Variants in AHCY observed in about 807,000 individuals in gnomAD.
AHCY encodes adenosylhomocysteinase, also known as S-adenosyl-L-homocysteine hydrolase.
A neutral mutation model predicts 45.4 loss-of-function variants in AHCY; 24 were observed. The observed-to-expected ratio is 0.53, with a 90% CI of 0.38 to 0.74. AHCY has a LOEUF of 0.74. Among genes scored for constraint, AHCY ranks in the 30% least tolerant of loss-of-function variants. AHCY has a pLI of 0.00. For synonymous variants in AHCY, 245 were observed against 235.1 expected, an observed-to-expected ratio of 1.04 and a Z score of -0.39; for missense variants, 449 against 594.1, an observed-to-expected ratio of 0.76 and a Z score of 2.54.
chr20:34,285,881 A>G, intron 8 of AHCY: 1 of 496,722 alleles, frequency 2.0e-6, no homozygotes, highest in Non-Finnish European at 3.7e-6. Context: ...CAGGCGGATC[A>G]TGAGGTCAGG....
chr20:34,267,843 TAA>T, the AHCY span, among the ~76,000 whole-genome samples: 6 of 147,712 alleles, frequency 4.1e-5, no homozygotes, highest in African/African-American at 1.5e-4. Flanking sequence ...TAACCATATT[TAA>T]AAAAAAAAAA....
In AHCY at chr20:34,295,469, G is replaced by C; in HGVS notation, c.145C>G (p.Arg49Gly). 6.2e-7 allele frequency: 1 copy of C among 1,614,120 alleles called. No homozygotes were observed. Among genetic ancestry groups the C allele is most frequent in the South Asian group, 1.1e-5 (1 of 91,074 alleles). The change falls in exon 2 of 10, where the codon CGC (arginine) becomes GGC (glycine). Residue 49 changes from arginine (R) to glycine (G), a missense_variant. Coordinates refer to ENST00000217426, the MANE Select transcript of AHCY (RefSeq NM_000687.4). ...YSASKPLKGA[R>G]IAGCLHMTVE... ...GTCATGTGCAGGCAGCCAGCGATGCGGGCGCCCTTCAGTGGCTTGGAGGCC... is the reference window on the plus strand; with the variant it reads ...GTCATGTGCAGGCAGCCAGCGATGCCGGCGCCCTTCAGTGGCTTGGAGGCC...
the AHCY span, among the ~76,000 whole-genome samples, chr20:34,243,881 G>A: frequency 6.6e-6 from 1 of 151,884 alleles, no homozygotes; most frequent in African/African-American, 2.4e-5. Flanking sequence ...TGGCTAACAC[G>A]ATGAAACCCC....
chr20:34,236,267 C>CA, the AHCY span, among the ~76,000 whole-genome samples: 1 of 152,190 alleles, frequency 6.6e-6, no homozygotes, highest in East Asian at 1.9e-4. Context: ...TGGCTGGGCG[C>CA]AGTGGCTCAC....
At chr20:34,255,376 C>T in the AHCY span, among the ~76,000 whole-genome samples, 1 of 152,084 alleles carries the variant, frequency 6.6e-6, no homozygotes, top group Admixed American at 6.5e-5. Flanking sequence ...ACTGGAGCCT[C>T]AACCTCCCAG....
At chr20:34,310,902 G>A (rs762936327) in intron 1 of AHCY, among the ~76,000 whole-genome samples, 20 of 151,812 alleles carry the variant, frequency 1.3e-4, no homozygotes, top group Non-Finnish European at 2.4e-4. Context: ...GATTCGGGCG[G>A]GTCACCTGAG....
In AHCY at chr20:34,285,009, C is replaced by G. The variant is rs566097533; in HGVS notation, c.1167+431G>C. On this transcript the variant is annotated intron_variant, in intron 9 of 9. Transcript: ENST00000217426. ...TCCAGTCCTTGTTCAGCTGGCATCA[C>G]TCATTTACCTGCCTAGCCCCTGTGG... Among the ~76,000 whole-genome samples, 5 of 152,338 alleles carry G rather than the reference C, an allele frequency of 3.3e-5. No individual in the cohort carries two copies. The East Asian group carries it at 9.6e-4, about 29-fold the overall frequency.
At chr20:34,286,002 G>A (rs2036171594) in intron 8 of AHCY, 1 of 313,288 alleles carries the variant, frequency 3.2e-6, no homozygotes, top group African/African-American at 2.2e-5. Context: ...CCACTCGGGA[G>A]GCTGAGGCAG....
chr20:34,269,920 G>A, the AHCY span, among the ~76,000 whole-genome samples: 129 of 131,280 alleles, frequency 9.8e-4, 1 homozygote, highest in African/African-American at 4.0e-3. Flanking sequence ...CTCCAGCCTG[G>A]GCAACAAGAG....
At chr20:34,271,983 G>A in the AHCY span, among the ~76,000 whole-genome samples, 3 of 151,930 alleles carry the variant, frequency 2.0e-5, no homozygotes, top group African/African-American at 4.8e-5. Flanking sequence ...AGAAAAAAAG[G>A]TAGAGGGTTA....
the AHCY span, among the ~76,000 whole-genome samples, chr20:34,247,298 T>A: frequency 8.0e-5 from 12 of 150,788 alleles, no homozygotes; most frequent in African/African-American, 2.7e-4. Context: ...CATTATATGA[T>A]GCTTTTTTTT....
chr20:34,246,634 T>C, the AHCY span: 1 of 594,192 alleles, frequency 1.7e-6, no homozygotes, highest in African/African-American at 1.8e-5. Flanking sequence ...TTTTTTGTAT[T>C]TTTGGTAGAG....
chr20:34,277,786 A>G (rs951734783), downstream of AHCY, among the ~76,000 whole-genome samples: 65 of 150,126 alleles, frequency 4.3e-4, no homozygotes, highest in Middle Eastern at 3.5e-3. Flanking sequence ...AAAACTCAGC[A>G]TAAAAACTCC....
chr20:34,237,591 T>G, the AHCY span, among the ~76,000 whole-genome samples: 1 of 152,248 alleles, frequency 6.6e-6, no homozygotes, highest in Non-Finnish European at 1.5e-5. Context: ...TCATATTATC[T>G]GTGAACAGAG....
rs2036381124 is a variant in AHCY at position 34,291,284 on chromosome 20, T to TTTGA, written c.558+134_558+135insTCAA. 3 of 842,264 alleles carry TTTGA rather than the reference T, an allele frequency of 3.6e-6. No individual in the cohort carries two copies. In the Admixed American group the frequency reaches 5.4e-5, roughly 15 times the overall value. 52.2% of individuals were successfully genotyped at this position (842,264 alleles called of 1,614,324 possible). On this transcript the variant is annotated intron_variant, in intron 5 of 9. Coordinates refer to ENST00000217426, the MANE Select transcript of AHCY (RefSeq NM_000687.4). Reference sequence around the variant, plus strand: ...CCCCTTTTAAACGCACTCATTAGCCTGTCTATAACCGCTTTTGCCCCCTCA... The same window carrying TTTGA: ...CCCCTTTTAAACGCACTCATTAGCCTTTGAGTCTATAACCGCTTTTGCCCCCTCA...
Position 34,280,883 on chromosome 20 carries a change from C to T in AHCY, c.*151G>A, listed in dbSNP as rs1259375769. 31 of 1,204,920 alleles carry T rather than the reference C, an allele frequency of 2.6e-5. No individual in the cohort carries two copies. The highest frequency in any genetic ancestry group is 3.5e-5 in the Non-Finnish European group (30 of 850,546). 74.6% of individuals were successfully genotyped at this position (1,204,920 alleles called of 1,614,324 possible). A position where few individuals can be genotyped will look rare whatever the true frequency, so the allele number is the denominator to read the frequency against. ...CACATTTGGAACAGTATGACGGCTG[C>T]AGCAGAGGCCAAAAACTAAGTGATC... On this transcript the variant is annotated 3_prime_UTR_variant, in exon 10 of 10. Transcript: ENST00000217426.
the AHCY span, among the ~76,000 whole-genome samples, chr20:34,249,337 TGA>T: frequency 7.0e-6 from 1 of 143,014 alleles, no homozygotes; most frequent in Admixed American, 7.1e-5. Context: ...TCGCCTCCAC[TGA>T]GATATCCGAT....
chr20:34,255,558 ATAGAT>A, the AHCY span, among the ~76,000 whole-genome samples: 1 of 152,228 alleles, frequency 6.6e-6, no homozygotes, highest in African/African-American at 2.4e-5. Context: ...TATACTAGAA[ATAGAT>A]TATAGATGTG....
At chr20:34,271,560 C>A in the AHCY span, among the ~76,000 whole-genome samples, 1 of 140,944 alleles carries the variant, frequency 7.1e-6, no homozygotes, top group Non-Finnish European at 1.5e-5. Flanking sequence ...TGGCGTTGAA[C>A]AAGCCTTTTT....
Sources: allele counts gnomAD v4.1 joint callset (sites outside exome capture counted in the v4.1 genomes callset), GRCh38; gene constraint gnomAD v4.1.1; transcripts MANE v1.5; gene names NCBI Gene and HGNC (gene_info 2026-07-23, HGNC 2026-07-21).